The following ALDH1L1 variants were observed in gnomAD, a reference collection of about 807,000 sequenced individuals.
The protein encoded by ALDH1L1 is cytosolic 10-formyltetrahydrofolate dehydrogenase.
Under a neutral mutation model 101.1 loss-of-function variants are expected in ALDH1L1, and 68 were observed. The observed-to-expected ratio is 0.67, with a 90% CI of 0.55 to 0.82. The LOEUF is 0.82. Ranked by LOEUF, ALDH1L1 falls within the 40% of genes least tolerant of loss-of-function variation. ALDH1L1 has a pLI of 0.00. For missense variants in ALDH1L1, 1,087 were observed against 1,172.7 expected, an observed-to-expected ratio of 0.93 and a Z score of 1.07; for synonymous variants, 486 against 470.8, an observed-to-expected ratio of 1.03 and a Z score of -0.42.
intron 1 of ALDH1L1, chr3:126,180,237 G>T (rs1240849263): frequency 5.7e-6 from 1 of 175,616 alleles, no homozygotes; most frequent in Admixed American, 6.5e-5. Context: ...GCCAGTCCTG[G>T]CGCTGCGGTC....
chr3:126,161,093 GC>G, intron 1 of ALDH1L1, 91 bp from the exon 2 acceptor site: 1 of 1,453,554 alleles, frequency 6.9e-7, no homozygotes, highest in South Asian at 1.3e-5. Flanking sequence ...ATGGCACCTG[GC>G]CTGCTCTACC....
chr3:126,137,722 T>C, intron 10 of ALDH1L1, 91 bp downstream of exon 10: 1 of 1,498,220 alleles, frequency 6.7e-7, no homozygotes, highest in African/African-American at 1.4e-5. Flanking sequence ...GCTTTCTGAA[T>C]GTCCAGGTTT....
exon 1 of ALDH1L1, chr3:126,197,894 C>T (rs1004325419): frequency 6.6e-6 from 1 of 151,668 alleles, no homozygotes; most frequent in African/African-American, 2.4e-5. Context: ...AGAATCACAG[C>T]AGATTCAGAG....
intron 4 of ALDH1L1, chr3:126,155,709 C>A (rs1260919862): frequency 1.0e-5 from 5 of 500,204 alleles, no homozygotes; most frequent in African/African-American, 9.9e-5. Flanking sequence ...CCCGTCCTCT[C>A]TACCTGGCAA....
chr3:126,194,254 C>A (rs73859031), intron 1 of ALDH1L1, among the ~76,000 whole-genome samples: 251 of 152,258 alleles, frequency 1.6e-3, no homozygotes, highest in African/African-American at 5.6e-3. Flanking sequence ...ACATTAGTAT[C>A]ATTCACTAAA....
At chr3:126,134,424 G>A (rs1343085175) in intron 12 of ALDH1L1, among the ~76,000 whole-genome samples, 2 of 152,182 alleles carry the variant, frequency 1.3e-5, no homozygotes, top group Non-Finnish European at 2.9e-5. Flanking sequence ...AGGTTCTCCC[G>A]CCACCTGTCG....
chr3:126,181,487 T>C, upstream of ALDH1L1: 1 of 184,464 alleles, frequency 5.4e-6, no homozygotes, highest in Admixed American at 5.3e-5. Flanking sequence ...TGTAGTGTTC[T>C]TTCAGAGCCT....
intron 1 of ALDH1L1, among the ~76,000 whole-genome samples, chr3:126,170,240 C>T (rs879430691): frequency 1.3e-5 from 2 of 152,086 alleles, no homozygotes; most frequent in Admixed American, 6.5e-5. Context: ...ATGACACCCT[C>T]GCGGGAACTG....
chr3:126,111,939 C>T (rs1946092376), intron 19 of ALDH1L1, among the ~76,000 whole-genome samples: 1 of 152,176 alleles, frequency 6.6e-6, no homozygotes, highest in Non-Finnish European at 1.5e-5. Flanking sequence ...GTCAACCCCA[C>T]AGTGTTTTCT....
rs116571449 is a variant in ALDH1L1 at position 126,149,485 on chromosome 3, C to A, written c.984+921G>T. On this transcript the variant is annotated intron_variant, in intron 8 of 22. Transcript: ENST00000393434. ...GTCTGTCCAGCTGGCCCTGCAACAC[C>A]AGGGCAGGCCAAGTCAGGGCCAGAG... Among the ~76,000 whole-genome samples, 579 of 152,372 alleles carry A rather than the reference C, an allele frequency of 3.8e-3. 3 individuals are homozygous for A. The highest frequency in any genetic ancestry group is 0.017 in the Middle Eastern group (5 of 294).
intron 14 of ALDH1L1, among the ~76,000 whole-genome samples, chr3:126,126,293 T>G (rs2080181471): frequency 6.6e-6 from 1 of 152,170 alleles, no homozygotes; most frequent in South Asian, 2.1e-4. Flanking sequence ...CCGTGGGCAC[T>G]GGGGAGGCCG....
chr3:126,121,115 C>T (rs1382797696), intron 16 of ALDH1L1, among the ~76,000 whole-genome samples: 1 of 152,208 alleles, frequency 6.6e-6, no homozygotes, highest in African/African-American at 2.4e-5. Context: ...ACCACATCTT[C>T]AGGGAAATGC....
At chr3:126,137,691 G>T in intron 10 of ALDH1L1, 122 bp downstream of exon 10, 1 of 1,372,304 alleles carries the variant, frequency 7.3e-7, no homozygotes, top group Non-Finnish European at 9.8e-7. Flanking sequence ...GGAAACTGAA[G>T]GGTGGGCTCC....
intron 1 of ALDH1L1, 38 bp downstream of exon 1, chr3:126,180,438 G>C (rs1391577559): frequency 1.0e-6 from 1 of 987,902 alleles, no homozygotes; most frequent in Non-Finnish European, 1.2e-6. Flanking sequence ...CCTCCTTTCC[G>C]CCGGGAGTCC....
intron 8 of ALDH1L1, among the ~76,000 whole-genome samples, chr3:126,149,201 C>T (rs539262843): frequency 6.6e-6 from 1 of 152,352 alleles, no homozygotes; most frequent in Non-Finnish European, 1.5e-5. Flanking sequence ...GAAGTATCTG[C>T]TTTTCTCATG....
intron 9 of ALDH1L1, among the ~76,000 whole-genome samples, chr3:126,143,785 A>G (rs1298597975): frequency 6.6e-6 from 1 of 152,074 alleles, no homozygotes; most frequent in Non-Finnish European, 1.5e-5. Flanking sequence ...TGTAAAAAAA[A>G]TTGTTTTAAG....
chr3:126,168,481 A>G (rs1302692026), intron 1 of ALDH1L1, among the ~76,000 whole-genome samples: 1 of 152,140 alleles, frequency 6.6e-6, no homozygotes, highest in African/African-American at 2.4e-5. Context: ...GTAATACAAA[A>G]GGCTAATAAA....
chr3:126,154,516 AATGCACGTGGCTGGATTCCAGCC>A lies in ALDH1L1; in HGVS notation c.720+15_720+37del, dbSNP rs762055657. The A allele has an allele frequency of 5.0e-6, 8 of 1,588,012 alleles. No homozygotes were observed. In the Admixed American group the frequency reaches 1.2e-4, roughly 23 times the overall value. On this transcript the variant is annotated intron_variant, in intron 6 of 22. Coordinates refer to ENST00000393434, the MANE Select transcript of ALDH1L1 (RefSeq NM_012190.4). ...AGTTTAATGGCCAGTGGGATACACC[AATGCACGTGGCTGGATTCCAGCC>A]ATGCAGGGACACACCTGTTCACAGG...
At position 126,131,434 on chromosome 3, in the gene ALDH1L1, T is replaced by A. The variant is rs145634762; in HGVS notation, c.1573A>T (p.Met525Leu). 6.2e-7 allele frequency: 1 copy of A among 1,613,218 alleles called. No homozygotes were observed. Among genetic ancestry groups the A allele is most frequent in the Non-Finnish European group, 8.5e-7 (1 of 1,179,236 alleles). Reference protein sequence around the residue: ...YTLALKTHVGMSIQTFRYFAG... With the variant: ...YTLALKTHVGLSIQTFRYFAG... Reference sequence around the variant, plus strand: ...AAGTAGCGGAAGGTCTGGATGGACATGCCCACGTGGGTCTTCAGGGCCAGC... The same window carrying A: ...AAGTAGCGGAAGGTCTGGATGGACAAGCCCACGTGGGTCTTCAGGGCCAGC... The change falls in exon 13 of 23, where the codon ATG becomes TTG. Residue 525 changes from methionine (M) to leucine (L), a missense_variant. Met to Leu is a conservative substitution (Grantham distance 15). Transcript: ENST00000393434.
Sources: gnomAD v4.1 joint callset for allele counts (sites outside exome capture counted in the v4.1 genomes callset) on GRCh38, gnomAD v4.1.1 for gene constraint, MANE v1.5 for transcripts, NCBI Gene and HGNC (gene_info 2026-07-23, HGNC 2026-07-21) for gene names.